Variants in SLC12A4 observed in about 807,000 individuals in gnomAD.
SLC12A4 encodes solute carrier family 12 member 4.
SLC12A4 carries 84 observed loss-of-function variants against 119.2 expected under a neutral mutation model. That is an observed-to-expected ratio of 0.70 (90% CI 0.59 to 0.85). The LOEUF (loss-of-function observed/expected upper bound fraction) is 0.85, where lower values mean the gene tolerates loss of function less well. SLC12A4 is among the 40% of genes least tolerant of loss of function. The pLI, the probability that SLC12A4 is intolerant of heterozygous loss-of-function variation, is 0.00. For missense variants in SLC12A4, 1,298 were observed against 1,476.3 expected (o/e 0.88, Z 1.98); for synonymous variants, 599 against 604.6 (o/e 0.99, Z 0.14).
chr16:67,968,063 C>A (rs1222960764), intron 1 of SLC12A4, among the ~76,000 whole-genome samples: 1 of 151,994 alleles, frequency 6.6e-6, no homozygotes, highest in African/African-American at 2.4e-5. Flanking sequence ...GGAACCGAGG[C>A]GAGAAAAGGA....
Position 67,951,011 on chromosome 16 carries a change from C to T in SLC12A4, c.1347G>A (p.Lys449=), listed in dbSNP as rs2058408654. ...CCAGAATGGTCCCCACAGGGATAGA[C>T]TTCTGGGCGTCACGAAGGTCCCCAG... ...NRSGDLRDAQ[K]SIPVGTILAI... Residue 449 remains lysine, a synonymous_variant, in exon 10 of 24, where the codon AAG becomes AAA. Coordinates refer to ENST00000316341, the MANE Select transcript of SLC12A4 (RefSeq NM_005072.5). The surrounding 1 kb of genome is among the most constrained non-coding windows in gnomAD (Gnocchi z 5.2). 5.6e-6 allele frequency: 9 copies of T among 1,613,956 alleles called. No homozygotes were observed. Among genetic ancestry groups the T allele is most frequent in the East Asian group, 2.2e-5 (1 of 44,888 alleles).
chr16:67,944,084 G>A lies in SLC12A4; in HGVS notation c.*756C>T. The A allele has an allele frequency of 1.3e-6, 2 of 1,547,960 alleles. No homozygotes were observed. Among genetic ancestry groups the A allele is most frequent in the African/African-American group, 1.4e-5 (1 of 73,086 alleles). On this transcript the variant is annotated 3_prime_UTR_variant, in exon 24 of 24. Coordinates refer to ENST00000316341, the MANE Select transcript of SLC12A4 (RefSeq NM_005072.5). The surrounding 1 kb of genome is among the most constrained non-coding windows in gnomAD (Gnocchi z 6.6). The stretch of plus-strand genomic sequence containing the variant: ...GCAGCAGCGTCACCCACTGCCATGG[G>A]GAGCCGGGCGGCCCCATTCCAGCCC...
In SLC12A4 at chr16:67,951,921, C is replaced by T. The variant is rs1358493180; in HGVS notation, c.1034G>A (p.Ser345Asn). ...ACAGGAGTCGGTCGTAAGGTTGGGG[C>T]TGTGGCAGAAGAAACTCCATAGCTG... ...ATQLWSFFCH[S>N]PNLTTDSCDP... The change falls in exon 8 of 24, where the codon AGC (serine) becomes AAC (asparagine). Residue 345 changes from serine (S) to asparagine (N), a missense_variant. Coordinates refer to ENST00000316341, the MANE Select transcript of SLC12A4 (RefSeq NM_005072.5). The surrounding 1 kb of genome is among the most constrained non-coding windows in gnomAD (Gnocchi z 5.2). 6.2e-7 allele frequency: 1 copy of T among 1,613,888 alleles called. No homozygotes were observed. The highest frequency in any genetic ancestry group is 8.5e-7 in the Non-Finnish European group (1 of 1,180,034).
Position 67,949,811 on chromosome 16 carries a change from G to A in SLC12A4, c.1737C>T (p.Pro579=). ...CGGCCCCAGCTCACATGGATAAGAT[G>A]GGGGCCACCATGTCGAGGGAGGCGA... ...ILIASLDMVA[P]ILSMFFLMCY... Residue 579 remains proline, a synonymous_variant, in exon 13 of 24, where the codon CCC becomes CCT. Transcript: ENST00000316341. The surrounding 1 kb of genome is among the most constrained non-coding windows in gnomAD (Gnocchi z 4.6). 6.2e-7 allele frequency: 1 copy of A among 1,608,672 alleles called. No homozygotes were observed. The highest frequency in any genetic ancestry group is 1.3e-5 in the African/African-American group (1 of 74,628).
chr16:67,967,109 C>A (rs1366449181), intron 1 of SLC12A4, among the ~76,000 whole-genome samples: 1 of 152,186 alleles, frequency 6.6e-6, no homozygotes, highest in Non-Finnish European at 1.5e-5. Flanking sequence ...GGCATGGAGG[C>A]TGGGGCACTC....
rs1394453827 is a variant in SLC12A4, at chr16:67,945,922, A to C, written c.2739+29T>G. On this transcript the variant is annotated intron_variant, in intron 20 of 23. Transcript: ENST00000316341. ...CCCAGCTGCACGGGACATGGTATCC[A>C]CGGGGCCAGGGCAGGGCAGAGGGCT... is the stretch of plus-strand genomic sequence containing the variant. 1.9e-6 allele frequency: 3 copies of C among 1,612,808 alleles called. No homozygotes were observed. In the African/African-American group the frequency reaches 4.0e-5, roughly 22 times the overall value.
chr16:67,964,179 C>G (rs1342695183), intron 1 of SLC12A4: 1 of 1,309,640 alleles, frequency 7.6e-7, no homozygotes, highest in Non-Finnish European at 1.0e-6. Context: ...CTAAGAAAGT[C>G]GGACGGGTGG....
rs778809366 is a variant in SLC12A4 at position 67,963,452 on chromosome 16, G to A, written c.210+13C>T. On this transcript the variant is annotated intron_variant, in intron 2 of 23. Coordinates refer to ENST00000316341, the MANE Select transcript of SLC12A4 (RefSeq NM_005072.5). The stretch of plus-strand genomic sequence containing the variant: ...TGTGCCAAACCTGTGGCCCAAAATG[G>A]CTCCTCAGCTACCTCAAACAGTGCC... 3.2e-6 allele frequency: 5 copies of A among 1,555,386 alleles called. No homozygotes were observed. The South Asian group carries it at 6.1e-5, about 19-fold the overall frequency.
chr16:67,946,343 G>T lies in SLC12A4; in HGVS notation c.2438-3C>A. On this transcript the variant is annotated splice_polypyrimidine_tract_variant and splice_region_variant and intron_variant, in intron 18 of 23. Coordinates refer to ENST00000316341, the MANE Select transcript of SLC12A4 (RefSeq NM_005072.5). ...AGCCGTAGTGCAGCGCACGGTGTCT[G>T]GGGAGGAGGAGCACGGCTGACCACC... 1 of 1,608,342 alleles carries T rather than the reference G, an allele frequency of 6.2e-7. No homozygotes were observed.
chr16:67,963,853 A>AGAGGGGCGGGGCCTGCG (rs1567427645), intron 1 of SLC12A4: 2 of 1,525,270 alleles, frequency 1.3e-6, no homozygotes, highest in African/African-American at 2.8e-5. Context: ...CGGGGCCTGC[A>AGAGGGGCGGGGCCTGCG]GAGGGGCGGG....
In SLC12A4 at chr16:67,945,103, A is replaced by C. The variant is rs1177946429; in HGVS notation, c.3150T>G (p.Ser1050Arg). 1 of 1,585,622 alleles carries C rather than the reference A, an allele frequency of 6.3e-7. No individual in the cohort carries two copies. Among genetic ancestry groups the C allele is most frequent in the African/African-American group, 1.4e-5 (1 of 73,972 alleles). Residue 1050 changes from serine (S) to arginine (R), a missense_variant, in exon 23 of 24, where the codon AGT becomes AGG. By Grantham distance (110) the Ser-to-Arg change is moderately radical (BLOSUM62 -1). Coordinates refer to ENST00000316341, the MANE Select transcript of SLC12A4 (RefSeq NM_005072.5). ...AAGGGATACAGTTCTCGTCGCCCTCACTGTTCCTGGGTGGGCCAGGCATGT... is the reference window on the plus strand; with the variant it reads ...AAGGGATACAGTTCTCGTCGCCCTCCCTGTTCCTGGGTGGGCCAGGCATGT... ...LLNMPGPPRN[S>R]EGDENYMEFL...
At chr16:67,963,815 A>G in intron 1 of SLC12A4, 4 of 1,394,940 alleles carry the variant, frequency 2.9e-6, no homozygotes, top group Non-Finnish European at 3.9e-6. Flanking sequence ...CAGGCGCCCT[A>G]GCACAAGCAC....
Position 67,961,602 on chromosome 16 carries a change from C to T in SLC12A4, c.315G>A (p.Gly105=), listed in dbSNP as rs2030576037. Residue 105 remains glycine (G), a synonymous_variant, in exon 3 of 24, where the codon GGG becomes GGA. Coordinates refer to ENST00000316341, the MANE Select transcript of SLC12A4 (RefSeq NM_005072.5). ...CGGCTGCCCTCCGGCGGGTGCCCTC[C>T]CCACTCTCGGCCTCCTCATGCTCTT... ...GAKEHEEAES[G]EGTRRRAAEA... 1 of 1,613,940 alleles carries T rather than the reference C, an allele frequency of 6.2e-7. No homozygotes were observed. The highest frequency in any genetic ancestry group is 8.5e-7 in the Non-Finnish European group (1 of 1,180,018).
intron 6 of SLC12A4, among the ~76,000 whole-genome samples, chr16:67,953,702 G>A (rs1031262102): frequency 6.6e-6 from 1 of 152,160 alleles, no homozygotes; most frequent in Non-Finnish European, 1.5e-5. Context: ...TGTTAATAAA[G>A]CTGTTACTTA....
In SLC12A4 at chr16:67,951,590, CA is replaced by C; in HGVS notation, c.1132+232del. 1 of 611,254 alleles carries C rather than the reference CA, an allele frequency of 1.6e-6. No homozygotes were observed. The highest frequency in any genetic ancestry group is 2.9e-6 in the Non-Finnish European group (1 of 347,670). 37.9% of individuals were successfully genotyped at this position (611,254 alleles called of 1,614,324 possible). On this transcript the variant is annotated intron_variant, in intron 8 of 23. Transcript: ENST00000316341. This position sits in a 1 kb window ranked among gnomAD's most constrained non-coding sequence, Gnocchi z 5.2. ...CTGTGGGAACATCCCCAGGCAGTGT[CA>C]GGGGCTGGTGGCTGGGGAAGACAGG... is the stretch of plus-strand genomic sequence containing the variant.
At chr16:67,966,342 C>T (rs1318508693) in intron 1 of SLC12A4, among the ~76,000 whole-genome samples, 4 of 152,280 alleles carry the variant, frequency 2.6e-5, no homozygotes, top group Admixed American at 2.0e-4. Context: ...GTTCTGGCCT[C>T]AGCCATTCCA....
chr16:67,964,109 G>A, intron 1 of SLC12A4: 1 of 1,517,796 alleles, frequency 6.6e-7, no homozygotes, highest in Non-Finnish European at 8.9e-7. Flanking sequence ...ATGCCGGGAG[G>A]TGGGGCAAGC....
Position 67,945,959 on chromosome 16 carries a change from C to G in SLC12A4, c.2731G>C (p.Val911Leu). ...CAGGGCAGAGGGCTCACCATCTCCA[C>G]CACCTCCACCTCGGCCTCAAGGCGC... ...HLRLEAEVEV[V>L]EMHNSDISAY... The change falls in exon 20 of 24, where the codon GTG (valine) becomes CTG (leucine). Residue 911 changes from valine (V) to leucine (L), a missense_variant. Coordinates refer to ENST00000316341, the MANE Select transcript of SLC12A4 (RefSeq NM_005072.5). The G allele has an allele frequency of 6.2e-7, 1 of 1,613,528 alleles. No individual in the cohort carries two copies. The highest frequency in any genetic ancestry group is 8.5e-7 in the Non-Finnish European group (1 of 1,179,562).
Position 67,950,210 on chromosome 16 carries a change from C to G in SLC12A4, c.1629+109G>C, listed in dbSNP as rs1337500384. ...CTCCTCATGGATGGCCGCCTGGCCC[C>G]GGGGGCCAATAAGGGCAGGACGTGC... On this transcript the variant is annotated intron_variant, in intron 12 of 23. Transcript: ENST00000316341. The surrounding 1 kb of genome is among the most constrained non-coding windows in gnomAD (Gnocchi z 4.3). 20 of 1,352,032 alleles carry G rather than the reference C, an allele frequency of 1.5e-5. No individual in the cohort carries two copies. The highest frequency in any genetic ancestry group is 2.0e-5 in the Non-Finnish European group (20 of 994,638). 83.8% of individuals were successfully genotyped at this position (1,352,032 alleles called of 1,614,324 possible). A position where few individuals can be genotyped will look rare whatever the true frequency, so the allele number is the denominator to read the frequency against.
Sources: gnomAD v4.1 joint callset for allele counts (sites outside exome capture counted in the v4.1 genomes callset) on GRCh38, gnomAD v4.1.1 for gene constraint, Gnocchi (gnomAD v3.1) non-coding constraint, MANE v1.5 for transcripts, NCBI Gene and HGNC (gene_info 2026-07-23, HGNC 2026-07-21) for gene names.